The following PPP1R1A variants were observed in gnomAD, a reference collection of about 807,000 sequenced individuals.
PPP1R1A encodes the protein protein phosphatase 1 regulatory subunit 1A.
PPP1R1A carries 18 observed loss-of-function variants against 23.9 expected under a neutral mutation model. The observed-to-expected ratio is 0.75, with a 90% confidence interval of 0.52 to 1.12. The LOEUF (loss-of-function observed/expected upper bound fraction) is 1.12, where lower values mean the gene tolerates loss of function less well. PPP1R1A is among the 50% of genes most tolerant of loss of function. PPP1R1A has a pLI of 0.00. For missense variants in PPP1R1A, 207 were observed against 223.8 expected (o/e 0.92, Z 0.48); for synonymous variants, 84 against 80.7 (o/e 1.04, Z -0.22).
At chr12:54,585,641 C>T (rs1007369124) in intron 1 of PPP1R1A, among the ~76,000 whole-genome samples, 1 of 152,098 alleles carries the variant, frequency 6.6e-6, no homozygotes, top group African/African-American at 2.4e-5. Context: ...AATGATCAAA[C>T]CCTTATCTTT....
In PPP1R1A at chr12:54,581,009, T is replaced by C; in HGVS notation, c.445A>G (p.Lys149Glu). Residue 149 changes from lysine (K) to glutamate (E), a missense_variant, in exon 6 of 7, where the codon AAG becomes GAG. Physicochemically the swap from Lys to Glu is moderately conservative, Grantham distance 56 (BLOSUM62 1). Transcript: ENST00000257905. This position sits in a 1 kb window ranked among gnomAD's most constrained non-coding sequence, Gnocchi z 4.1. ...CIPKTHERGS[K>E]EPSTKEPSTH... ...GAGGGTTCTTTTGTGCTGGGTTCCT[T>C]ACTGCCTCTCTCGTGAGTTTTAGGG... 6.2e-7 allele frequency: 1 copy of C among 1,613,964 alleles called. No individual in the cohort carries two copies. The highest frequency in any genetic ancestry group is 1.3e-5 in the African/African-American group (1 of 75,056).
intron 3 of PPP1R1A, 39 bp downstream of exon 3, chr12:54,583,172 G>C: frequency 6.5e-7 from 1 of 1,546,268 alleles, no homozygotes; most frequent in Non-Finnish European, 8.7e-7. Context: ...TGAATGTGGG[G>C]GTTTTTTGGG....
Position 54,579,737 on chromosome 12 carries a change from G to A in PPP1R1A, c.*650C>T, listed in dbSNP as rs568081365. 2 of 984,288 alleles carry A rather than the reference G, an allele frequency of 2.0e-6. No individual in the cohort carries two copies. The highest frequency in any genetic ancestry group is 1.1e-4 in the East Asian group (1 of 8,820). The allele number at this position is 984,288 out of a possible 1,614,324, so 61.0% of individuals were successfully genotyped here. A position where few individuals can be genotyped will look rare whatever the true frequency, so the allele number is the denominator to read the frequency against. ...CTAACGGGTTGAAATAAGGGACAGC[G>A]GTCCCACAGCTGGAAGAGGGAACAC... On this transcript the variant is annotated 3_prime_UTR_variant, in exon 7 of 7. Transcript: ENST00000257905.
chr12:54,586,254 G>C lies in PPP1R1A; in HGVS notation c.85-1934C>G, dbSNP rs1253231803. Among the ~76,000 whole-genome samples, 3 of 152,170 alleles carry C rather than the reference G, an allele frequency of 2.0e-5. No individual in the cohort carries two copies. In the South Asian group the frequency reaches 6.2e-4, roughly 32 times the overall value. ...TGACCTATTCCTTTGCTTTGGACAA[G>C]GTTTCTAAGCATTCAGAGTCCTTGG... On this transcript the variant is annotated intron_variant, in intron 1 of 6. Transcript: ENST00000257905.
At chr12:54,585,249 T>C (rs969508003) in intron 1 of PPP1R1A, among the ~76,000 whole-genome samples, 1 of 152,096 alleles carries the variant, frequency 6.6e-6, no homozygotes, top group Non-Finnish European at 1.5e-5. Context: ...GTAGATATAA[T>C]ATCAATACAA....
intron 1 of PPP1R1A, among the ~76,000 whole-genome samples, chr12:54,585,727 C>T (rs780813866): frequency 3.4e-5 from 5 of 148,410 alleles, no homozygotes; most frequent in Admixed American, 2.8e-4. Flanking sequence ...TCTCTATGCC[C>T]AGAAAAGTGG....
chr12:54,582,066 C>A lies in PPP1R1A; in HGVS notation c.313G>T (p.Ala105Ser). 1 of 1,613,680 alleles carries A rather than the reference C, an allele frequency of 6.2e-7. No homozygotes were observed. Among genetic ancestry groups the A allele is most frequent in the Non-Finnish European group, 8.5e-7 (1 of 1,179,752 alleles). ...GACTCCTGGGTTCCTGTGCTCTCAGCGGCCCCCTCAGGTTCCTCTCCTTGC... is the reference window on the plus strand; with the variant it reads ...GACTCCTGGGTTCCTGTGCTCTCAGAGGCCCCCTCAGGTTCCTCTCCTTGC... The part of the protein sequence containing the change: ...QQQGEEPEGA[A>S]ESTGTQESRP... Residue 105 changes from alanine (A) to serine (S), a missense_variant, in exon 5 of 7, where the codon GCT becomes TCT. Ala to Ser is a moderately conservative substitution (Grantham distance 99, BLOSUM62 1). Transcript: ENST00000257905.
intron 1 of PPP1R1A, among the ~76,000 whole-genome samples, chr12:54,587,230 G>A (rs1957919191): frequency 6.6e-6 from 1 of 152,118 alleles, no homozygotes; most frequent in Admixed American, 6.6e-5. Context: ...CAAACAGCTG[G>A]AGCAACAAAA....
At position 54,581,115 on chromosome 12, in the gene PPP1R1A, G is replaced by T; in HGVS notation, c.404-65C>A. Reference sequence around the variant, plus strand: ...TCATAAAGGTGTTGGGGAGGGAACTGCTTCTCCTCACTGCACCCATACCCC... The same window carrying T: ...TCATAAAGGTGTTGGGGAGGGAACTTCTTCTCCTCACTGCACCCATACCCC... On this transcript the variant is annotated intron_variant, in intron 5 of 6. Transcript: ENST00000257905. This position sits in a 1 kb window ranked among gnomAD's most constrained non-coding sequence, Gnocchi z 4.1. 1.6e-6 allele frequency: 2 copies of T among 1,278,914 alleles called. No homozygotes were observed. Among genetic ancestry groups the T allele is most frequent in the Admixed American group, 1.8e-5 (1 of 55,986 alleles). The allele number at this position is 1,278,914 out of a possible 1,614,324, so 79.2% of individuals were successfully genotyped here.
Position 54,581,110 on chromosome 12 carries a change from G to C in PPP1R1A, c.404-60C>G, listed in dbSNP as rs1957852763. On this transcript the variant is annotated intron_variant, in intron 5 of 6. Transcript: ENST00000257905. The surrounding 1 kb of genome is among the most constrained non-coding windows in gnomAD (Gnocchi z 4.1). ...GGCATTCATAAAGGTGTTGGGGAGG[G>C]AACTGCTTCTCCTCACTGCACCCAT... 7.6e-7 allele frequency: 1 copy of C among 1,323,400 alleles called. No homozygotes were observed. The highest frequency in any genetic ancestry group is 1.3e-5 in the South Asian group (1 of 78,772). The allele number at this position is 1,323,400 out of a possible 1,614,324, so 82.0% of individuals were successfully genotyped here.
At position 54,581,737 on chromosome 12, in the gene PPP1R1A, T is replaced by A. The variant is rs1957857547; in HGVS notation, c.403+239A>T. 6.6e-6 allele frequency among the ~76,000 whole-genome samples: 1 copy of A among 152,246 alleles called. No individual in the cohort carries two copies. The highest frequency in any genetic ancestry group is 2.4e-5 in the African/African-American group (1 of 41,462). ...TTCCCATGAAGGTGGGTTTCCCCCATGTAGCCACAGTGGGGCTCTGAGGTT... is the reference window on the plus strand; with the variant it reads ...TTCCCATGAAGGTGGGTTTCCCCCAAGTAGCCACAGTGGGGCTCTGAGGTT... On this transcript the variant is annotated intron_variant, in intron 5 of 6. Coordinates refer to ENST00000257905, the MANE Select transcript of PPP1R1A (RefSeq NM_006741.4). The surrounding 1 kb of genome is among the most constrained non-coding windows in gnomAD (Gnocchi z 4.1).
In PPP1R1A at chr12:54,588,388, C is replaced by A; in HGVS notation, c.84+17G>T. 1 of 1,494,922 alleles carries A rather than the reference C, an allele frequency of 6.7e-7. No individual in the cohort carries two copies. The highest frequency in any genetic ancestry group is 9.0e-7 in the Non-Finnish European group (1 of 1,117,090). 92.6% of individuals were successfully genotyped at this position (1,494,922 alleles called of 1,614,324 possible). A position where few individuals can be genotyped will look rare whatever the true frequency, so the allele number is the denominator to read the frequency against. ...CTTGGCTGGGCGAGTGCCCTGCCGCCCCGCCCTGCTCCGCACCTGCTCCGC... is the reference window on the plus strand; with the variant it reads ...CTTGGCTGGGCGAGTGCCCTGCCGCACCGCCCTGCTCCGCACCTGCTCCGC... On this transcript the variant is annotated intron_variant, in intron 1 of 6. Transcript: ENST00000257905.
intron 1 of PPP1R1A, among the ~76,000 whole-genome samples, chr12:54,587,526 TCA>T (rs1957921869): frequency 1.3e-5 from 2 of 152,168 alleles, no homozygotes; most frequent in Non-Finnish European, 2.9e-5. Flanking sequence ...ATACACTTGC[TCA>T]CACACTCTCA....
rs1957841168 is a variant in PPP1R1A at position 54,580,177 on chromosome 12, G to A, written c.*210C>T. 7 of 1,364,704 alleles carry A rather than the reference G, an allele frequency of 5.1e-6. No individual in the cohort carries two copies. In the East Asian group the frequency reaches 2.0e-4, roughly 38 times the overall value. The allele number at this position is 1,364,704 out of a possible 1,614,324, so 84.5% of individuals were successfully genotyped here. On this transcript the variant is annotated 3_prime_UTR_variant, in exon 7 of 7. Coordinates refer to ENST00000257905, the MANE Select transcript of PPP1R1A (RefSeq NM_006741.4). ...TTCCTTCCCAGAGGCAGCTTGGCAG[G>A]AGGGTGGGGGCTACAGAGAGGGCAG...
chr12:54,580,278 C>A lies in PPP1R1A; in HGVS notation c.*109G>T. The stretch of plus-strand genomic sequence containing the variant: ...GCCAAGGACCTAACACCAAATTTAT[C>A]ACTTTTTAAAAACAAGAGATTTTCC... On this transcript the variant is annotated 3_prime_UTR_variant, in exon 7 of 7. Transcript: ENST00000257905. The A allele has an allele frequency of 1.3e-6, 2 of 1,547,694 alleles. No individual in the cohort carries two copies. Among genetic ancestry groups the A allele is most frequent in the Non-Finnish European group, 1.7e-6 (2 of 1,146,414 alleles).
At chr12:54,584,437 G>T in intron 1 of PPP1R1A, 117 bp from the exon 2 acceptor site, 1 of 983,530 alleles carries the variant, frequency 1.0e-6, no homozygotes, top group Non-Finnish European at 1.5e-6. Flanking sequence ...CTCAAAAAAT[G>T]CCATGTTAAT....
At chr12:54,584,434 A>C in intron 1 of PPP1R1A, 114 bp from the exon 2 acceptor site, 2 of 1,009,176 alleles carry the variant, frequency 2.0e-6, no homozygotes, top group Non-Finnish European at 2.9e-6. Context: ...CACCTCAAAA[A>C]ATGCCATGTT....
Position 54,579,965 on chromosome 12 carries a change from C to A in PPP1R1A, c.*422G>T, listed in dbSNP as rs181867625. The A allele has an allele frequency of 1.6e-3, 1,587 of 997,120 alleles. 18 individuals are homozygous for A. In the African/African-American group the frequency reaches 0.026, roughly 16 times the overall value. 61.8% of individuals were successfully genotyped at this position (997,120 alleles called of 1,614,324 possible). A position where few individuals can be genotyped will look rare whatever the true frequency, so the allele number is the denominator to read the frequency against. On this transcript the variant is annotated 3_prime_UTR_variant, in exon 7 of 7. Coordinates refer to ENST00000257905, the MANE Select transcript of PPP1R1A (RefSeq NM_006741.4). The stretch of plus-strand genomic sequence containing the variant: ...AGCGCCGAGTCTTCCAGCTGCAGGG[C>A]AGGCCTGTGAGGTGGTCGGATCGTT...
intron 1 of PPP1R1A, among the ~76,000 whole-genome samples, chr12:54,587,925 G>A (rs1957926260): frequency 6.6e-6 from 1 of 152,108 alleles, no homozygotes; most frequent in African/African-American, 2.4e-5. Context: ...GGAGGGGACA[G>A]GGAGAGCTGT....
Sources: allele counts gnomAD v4.1 joint callset (sites outside exome capture counted in the v4.1 genomes callset), GRCh38; gene constraint gnomAD v4.1.1; non-coding constraint Gnocchi (gnomAD v3.1); transcripts MANE v1.5; gene names NCBI Gene and HGNC (gene_info 2026-07-23, HGNC 2026-07-21).